Variants in ENG observed in about 807,000 individuals in gnomAD.
ENG encodes CD105 antigen.
ENG carries 17 observed loss-of-function variants against 71.0 expected under a neutral mutation model. The ratio of observed to expected loss-of-function variants is 0.24; its 90% CI spans 0.16 to 0.36. The LOEUF is 0.36. ENG is among the 10% of genes least tolerant of loss of function. The probability of loss-of-function intolerance (pLI) is 1.00; values close to 1 mark genes in which losing one functional copy is unlikely to be tolerated. For missense variants in ENG, 749 were observed against 868.3 expected (o/e 0.86, Z 1.73); for synonymous variants, 360 against 366.9 (o/e 0.98, Z 0.21).
At chr9:127,825,040 A>T (rs962909399) in intron 6 of ENG, 66 bp from the exon 7 acceptor site, 3 of 1,593,790 alleles carry the variant, frequency 1.9e-6, no homozygotes, top group Middle Eastern at 1.7e-4. Context: ...CAGGCCAGCC[A>T]GGGTTATGCC....
intron 2 of ENG, among the ~76,000 whole-genome samples, chr9:127,831,489 T>G (rs117725674): frequency 0.04 from 5,970 of 149,316 alleles, 146 homozygotes; most frequent in East Asian, 0.11. Context: ...CCAGGTTCAA[T>G]TCATTCTCCT....
intron 11 of ENG, 54 bp from the exon 12 acceptor site, chr9:127,818,431 C>G (rs1439957696): frequency 6.2e-7 from 1 of 1,604,308 alleles, no homozygotes; most frequent in African/African-American, 1.3e-5. Context: ...CACCCCACCC[C>G]ACCTGCTGCC....
At chr9:127,832,644 GTCAAGTGAAGCAA>G (rs1159798496) in intron 2 of ENG, 8 of 151,974 alleles carry the variant, frequency 5.3e-5, no homozygotes, top group African/African-American at 1.7e-4. Context: ...TTTTAGGCTC[GTCAAGTGAAGCAA>G]TGAGAGTGGA....
chr9:127,822,623 G>T (rs971728688), intron 8 of ENG: 5 of 152,182 alleles, frequency 3.3e-5, no homozygotes, highest in Admixed American at 3.3e-4. Context: ...GGAATAATAT[G>T]TGCTTATTAA....
At chr9:127,848,442 C>T (rs1831223110) in intron 1 of ENG, among the ~76,000 whole-genome samples, 10 of 152,062 alleles carry the variant, frequency 6.6e-5, no homozygotes. Context: ...GTCATTATGC[C>T]CAACTAAATT....
chr9:127,816,403 C>A (rs1043304829), intron 13 of ENG: 19 of 405,452 alleles, frequency 4.7e-5, no homozygotes, highest in Non-Finnish European at 8.9e-5. Context: ...GACCTTGGGT[C>A]AACCCTGCCC....
At chr9:127,845,861 C>T (rs1356885757) in intron 1 of ENG, among the ~76,000 whole-genome samples, 1 of 152,144 alleles carries the variant, frequency 6.6e-6, no homozygotes, top group Non-Finnish European at 1.5e-5. Flanking sequence ...TGTGCGCCAC[C>T]ACGCCTGGCT....
At chr9:127,817,375 G>A in intron 12 of ENG, 172 bp from the exon 13 acceptor site, 3 of 709,662 alleles carry the variant, frequency 4.2e-6, no homozygotes, top group East Asian at 2.7e-5. Flanking sequence ...CTGTGGGAGG[G>A]TGCCTAGTGG....
chr9:127,825,734 T>G lies in ENG; in HGVS notation c.650A>C (p.Glu217Ala). 1.3e-6 allele frequency: 2 copies of G among 1,599,096 alleles called. No homozygotes were observed. Among genetic ancestry groups the G allele is most frequent in the Non-Finnish European group, 1.7e-6 (2 of 1,175,242 alleles). The change falls in exon 5 of 15, where the codon GAG (glutamate) becomes GCG (alanine). Residue 217 changes from glutamate (E) to alanine (A), a missense_variant. Physicochemically the swap from Glu to Ala is moderately radical, Grantham distance 107. Coordinates refer to ENST00000373203, the MANE Select transcript of ENG (RefSeq NM_001114753.3). ...CGGCAGGACCCTCAGGATGTGCGCC[T>G]CCTTGTGGCCGGCCACGCCTTCCAA... is the stretch of plus-strand genomic sequence containing the variant. ...CHLEGVAGHKEAHILRVLPGH... is the reference protein window; with the variant it reads ...CHLEGVAGHKAAHILRVLPGH...
At position 127,818,305 on chromosome 9, in the gene ENG, C is replaced by G. The variant is rs372072854; in HGVS notation, c.1501G>C (p.Gly501Arg). ...DSCHLDLGPE[G>R]GTVELIQGRA... is the part of the protein sequence containing the mutation. ...CCCTGGATGAGTTCCACGGTGCCTC[C>G]CTCAGGCCCCAAGTCCAGGTGGCAG... The change falls in exon 12 of 15, where the codon GGA becomes CGA. Residue 501 changes from glycine to arginine, a missense_variant. Physicochemically the swap from Gly to Arg is moderately radical, Grantham distance 125. Transcript: ENST00000373203. 3 of 1,614,100 alleles carry G rather than the reference C, an allele frequency of 1.9e-6. No homozygotes were observed. In the African/African-American group the frequency reaches 4.0e-5, roughly 22 times the overall value.
At chr9:127,831,440 T>G (rs1830763072) in intron 2 of ENG, among the ~76,000 whole-genome samples, 1 of 149,836 alleles carries the variant, frequency 6.7e-6, no homozygotes, top group African/African-American at 2.5e-5. Context: ...CAAGCTGGAG[T>G]GCAATGGGGC....
At chr9:127,831,943 C>G (rs1394062189) in intron 2 of ENG, among the ~76,000 whole-genome samples, 1 of 151,746 alleles carries the variant, frequency 6.6e-6, no homozygotes, top group East Asian at 1.9e-4. Context: ...CAGGGTCTTA[C>G]TCTCTTTTCC....
intron 1 of ENG, among the ~76,000 whole-genome samples, chr9:127,845,205 A>C (rs1480111505): frequency 6.6e-6 from 1 of 152,232 alleles, no homozygotes; most frequent in East Asian, 1.9e-4. Context: ...TGTCCAGCCA[A>C]GGCCGGCTCA....
chr9:127,847,521 G>C (rs557878192), intron 1 of ENG, among the ~76,000 whole-genome samples: 12 of 151,660 alleles, frequency 7.9e-5, no homozygotes, highest in African/African-American at 2.9e-4. Context: ...ACAGTGTCTC[G>C]ATCTCGGCTC....
intron 8 of ENG, chr9:127,821,595 G>A (rs923227244): frequency 2.6e-5 from 4 of 151,790 alleles, no homozygotes; most frequent in African/African-American, 2.4e-5. Flanking sequence ...GCTAGGCTGC[G>A]GACCAGGCGC....
At position 127,846,603 on chromosome 9, in the gene ENG, G is replaced by A. The variant is rs145812287; in HGVS notation, c.68-3358C>T. Among the ~76,000 whole-genome samples the A allele has an allele frequency of 1.1e-3, 175 of 152,268 alleles. 2 individuals are homozygous for A. Among genetic ancestry groups the A allele is most frequent in the Middle Eastern group, 6.8e-3 (2 of 294 alleles). On this transcript the variant is annotated intron_variant, in intron 1 of 14. Transcript: ENST00000373203. The surrounding 1 kb of genome is among the most constrained non-coding windows in gnomAD (Gnocchi z 5.5). ...GTAATGATCAGATAACAGGCCTGGC[G>A]GGGAGATCAGATAAGAGGTCCATTT...
In ENG at chr9:127,824,979, T is replaced by C. The variant is rs765777426; in HGVS notation, c.817-5A>G. 8.7e-6 allele frequency: 14 copies of C among 1,612,222 alleles called. No homozygotes were observed. Among genetic ancestry groups the C allele is most frequent in the Admixed American group, 1.7e-5 (1 of 59,924 alleles). Reference sequence around the variant, plus strand: ...GAAGGAGTATTCTCCAGTGGTCTAATGGTGGGGAGAGAGGCAGAACAGGGG... The same window carrying C: ...GAAGGAGTATTCTCCAGTGGTCTAACGGTGGGGAGAGAGGCAGAACAGGGG... On this transcript the variant is annotated splice_polypyrimidine_tract_variant and splice_region_variant and intron_variant, in intron 6 of 14. Coordinates refer to ENST00000373203, the MANE Select transcript of ENG (RefSeq NM_001114753.3).
In ENG at chr9:127,818,473, C is replaced by T. The variant is rs560856247; in HGVS notation, c.1429-96G>A. The T allele has an allele frequency of 1.9e-5, 30 of 1,566,824 alleles. No homozygotes were observed. In the South Asian group the frequency reaches 3.3e-4, roughly 17 times the overall value. ...TATCGGCTAGAATTAAGAGTTCCCA[C>T]CCCTGAGTCCTCACAGTGGAAAGAA... On this transcript the variant is annotated intron_variant, in intron 11 of 14. Transcript: ENST00000373203.
chr9:127,831,933 C>T (rs1218596588), intron 2 of ENG, among the ~76,000 whole-genome samples: 1 of 151,478 alleles, frequency 6.6e-6, no homozygotes, highest in Non-Finnish European at 1.5e-5. Context: ...TTTTTTGAGA[C>T]AGGGTCTTAC....
Sources: allele counts gnomAD v4.1 joint callset (sites outside exome capture counted in the v4.1 genomes callset), GRCh38; gene constraint gnomAD v4.1.1; non-coding constraint Gnocchi (gnomAD v3.1); transcripts MANE v1.5; gene names NCBI Gene and HGNC (gene_info 2026-07-23, HGNC 2026-07-21).